IMMP2L: variants seen among roughly 807,000 people sequenced by gnomAD.
IMMP2L encodes the protein inner mitochondrial membrane peptidase subunit 2, also known as mitochondrial inner membrane protease subunit 2.
In IMMP2L, 18 loss-of-function variants were observed where a neutral mutation model predicts 19.3. The ratio of observed to expected loss-of-function variants is 0.93; its 90% CI spans 0.64 to 1.38. IMMP2L has a LOEUF of 1.38. Among genes scored for constraint, IMMP2L ranks in the 40% most tolerant of loss-of-function variants. The pLI, the probability that IMMP2L is intolerant of heterozygous loss-of-function variation, is 0.00. For missense variants in IMMP2L, 233 were observed against 218.2 expected, an observed-to-expected ratio of 1.07 and a Z score of -0.43; for synonymous variants, 76 against 73.0, an observed-to-expected ratio of 1.04 and a Z score of -0.21.
chr7:110,715,939 C>T (rs575904487), intron 5 of IMMP2L, among the ~76,000 whole-genome samples: 139 of 152,202 alleles, frequency 9.1e-4, no homozygotes, highest in African/African-American at 3.3e-3. Flanking sequence ...AATCTGGGTG[C>T]TCCAATGTTG....
chr7:110,720,210 G>T (rs62463984), intron 5 of IMMP2L, among the ~76,000 whole-genome samples: 31,629 of 151,858 alleles, frequency 0.21, 3,462 homozygotes, highest in Admixed American at 0.26. Flanking sequence ...AATTTAAGAG[G>T]TACCCAAATT....
intron 3 of IMMP2L, among the ~76,000 whole-genome samples, chr7:110,999,922 C>T (rs1342284059): frequency 6.6e-6 from 1 of 152,096 alleles, no homozygotes; most frequent in African/African-American, 2.4e-5. Context: ...TGAAACTTTA[C>T]AAGTTAAGAT....
intron 3 of IMMP2L, among the ~76,000 whole-genome samples, chr7:111,274,667 A>G (rs1430297920): frequency 6.6e-6 from 1 of 152,202 alleles, no homozygotes; most frequent in East Asian, 1.9e-4. Flanking sequence ...ATGAATCACC[A>G]ATCCAGTTAT....
At chr7:110,991,983 CT>C (rs1288728387) in intron 3 of IMMP2L, among the ~76,000 whole-genome samples, 3 of 152,132 alleles carry the variant, frequency 2.0e-5, no homozygotes, top group East Asian at 3.9e-4. Flanking sequence ...TTGGCCAAGA[CT>C]TTTCTTAAGC....
intron 4 of IMMP2L, among the ~76,000 whole-genome samples, chr7:110,917,929 T>G (rs781517429): frequency 5.9e-5 from 9 of 152,170 alleles, no homozygotes; most frequent in Admixed American, 1.3e-4. Flanking sequence ...GAAAAATATG[T>G]CAAGAAATTA....
intron 3 of IMMP2L, among the ~76,000 whole-genome samples, chr7:110,988,896 C>G (rs1563138199): frequency 2.0e-5 from 3 of 151,934 alleles, no homozygotes; most frequent in Admixed American, 6.6e-5. Context: ...TTTATAAAAA[C>G]TATAAAAATG....
chr7:111,200,997 G>T (rs1253741963), intron 3 of IMMP2L, among the ~76,000 whole-genome samples: 3 of 152,062 alleles, frequency 2.0e-5, no homozygotes, highest in Non-Finnish European at 4.4e-5. Flanking sequence ...AATTCTTTTG[G>T]AAAATTCTTT....
At chr7:111,431,766 A>G (rs1296504440) in intron 3 of IMMP2L, among the ~76,000 whole-genome samples, 1 of 151,850 alleles carries the variant, frequency 6.6e-6, no homozygotes, top group Non-Finnish European at 1.5e-5. Context: ...TCATAGAAGT[A>G]TAATTTCTCT....
intron 5 of IMMP2L, among the ~76,000 whole-genome samples, chr7:110,787,026 T>A (rs1800126425): frequency 6.6e-6 from 1 of 151,884 alleles, no homozygotes; most frequent in Non-Finnish European, 1.5e-5. Flanking sequence ...TTTCTTACTC[T>A]AAAGCAGGAA....
At chr7:111,494,071 C>T (rs542769425) in intron 2 of IMMP2L, among the ~76,000 whole-genome samples, 1 of 152,148 alleles carries the variant, frequency 6.6e-6, no homozygotes, top group East Asian at 1.9e-4. Flanking sequence ...AATTAAAAGT[C>T]ATAAATAATA....
Position 111,213,785 on chromosome 7 carries a change from C to T in IMMP2L, c.240-250220G>A, listed in dbSNP as rs1287325620. Among the ~76,000 whole-genome samples, 1 of 152,178 alleles carries T rather than the reference C, an allele frequency of 6.6e-6. No individual in the cohort carries two copies. The highest frequency in any genetic ancestry group is 1.5e-5 in the Non-Finnish European group (1 of 68,028). On this transcript the variant is annotated intron_variant, in intron 3 of 5. Coordinates refer to ENST00000405709, the MANE Select transcript of IMMP2L (RefSeq NM_032549.4). This position sits in a 1 kb window ranked among gnomAD's most constrained non-coding sequence, Gnocchi z 4.8. The stretch of plus-strand genomic sequence containing the variant: ...AGTCTCCTATCTAATGAGCGCTGAA[C>T]ATTTGAAGGAATGACCTGCCTGCGG...
At chr7:111,429,011 G>A (rs1367180287) in intron 3 of IMMP2L, among the ~76,000 whole-genome samples, 1 of 151,892 alleles carries the variant, frequency 6.6e-6, no homozygotes, top group South Asian at 2.1e-4. Context: ...TGGGAGGTGG[G>A]TGGATGGACA....
intron 3 of IMMP2L, among the ~76,000 whole-genome samples, chr7:111,223,969 G>C (rs1812798316): frequency 6.6e-6 from 1 of 152,082 alleles, no homozygotes; most frequent in Non-Finnish European, 1.5e-5. Flanking sequence ...AAAAAATATG[G>C]AATGCCTTTT....
intron 3 of IMMP2L, among the ~76,000 whole-genome samples, chr7:111,313,876 G>A (rs1162787027): frequency 1.3e-5 from 2 of 152,096 alleles, no homozygotes; most frequent in Non-Finnish European, 2.9e-5. Context: ...CCTGGTGGGA[G>A]GTGTTTGGAT....
chr7:111,121,160 G>A (rs1039734880), intron 3 of IMMP2L, among the ~76,000 whole-genome samples: 3 of 152,154 alleles, frequency 2.0e-5, no homozygotes, highest in Admixed American at 6.6e-5. Flanking sequence ...CCTAGGCCAA[G>A]AATTATCAAG....
At chr7:111,340,620 G>A (rs536126642) in intron 3 of IMMP2L, among the ~76,000 whole-genome samples, 1 of 152,070 alleles carries the variant, frequency 6.6e-6, no homozygotes, top group Non-Finnish European at 1.5e-5. Context: ...TTATACCAAA[G>A]AGAAATTCAC....
chr7:110,953,032 T>C (rs1817992834), intron 4 of IMMP2L, among the ~76,000 whole-genome samples: 1 of 152,074 alleles, frequency 6.6e-6, no homozygotes, highest in South Asian at 2.1e-4. Context: ...AATACCTACC[T>C]AGCAAAGGTA....
intron 1 of IMMP2L, among the ~76,000 whole-genome samples, chr7:111,545,640 C>A (rs981584117): frequency 1.3e-5 from 2 of 152,116 alleles, no homozygotes; most frequent in Non-Finnish European, 2.9e-5. Flanking sequence ...CCTGCCCTAG[C>A]CTCTCAAATT....
At chr7:111,000,583 C>T (rs1823560522) in intron 3 of IMMP2L, among the ~76,000 whole-genome samples, 1 of 152,186 alleles carries the variant, frequency 6.6e-6, no homozygotes, top group Admixed American at 6.6e-5. Context: ...GTGGCTCACG[C>T]CTGTAATCCC....
Sources: gnomAD v4.1 joint callset for allele counts (sites outside exome capture counted in the v4.1 genomes callset) on GRCh38, gnomAD v4.1.1 for gene constraint, Gnocchi (gnomAD v3.1) non-coding constraint, MANE v1.5 for transcripts, NCBI Gene and HGNC (gene_info 2026-07-23, HGNC 2026-07-21) for gene names.